The following VAPB variants were observed in gnomAD, a reference collection of about 807,000 sequenced individuals.
VAPB encodes vesicle-associated membrane protein-associated protein B/C.
A neutral mutation model predicts 25.6 loss-of-function variants in VAPB; 7 were observed. The observed-to-expected ratio is 0.27, with a 90% CI of 0.16 to 0.51. The LOEUF (loss-of-function observed/expected upper bound fraction) is 0.51, where lower values mean the gene tolerates loss of function less well. Among genes scored for constraint, VAPB ranks in the 20% least tolerant of loss-of-function variants. The pLI, the probability that VAPB is intolerant of heterozygous loss-of-function variation, is 0.97. For synonymous variants in VAPB, 112 were observed against 109.2 expected, an observed-to-expected ratio of 1.03 and a Z score of -0.16; for missense variants, 266 against 301.3, an observed-to-expected ratio of 0.88 and a Z score of 0.87.
chr20:58,448,286 A>G lies in VAPB; in HGVS notation c.*4051A>G, dbSNP rs2091997716. The G allele has an allele frequency of 2.2e-6, 1 of 453,776 alleles. No homozygotes were observed. Among genetic ancestry groups the G allele is most frequent in the Non-Finnish European group, 4.4e-6 (1 of 226,548 alleles). 28.1% of individuals were successfully genotyped at this position (453,776 alleles called of 1,614,324 possible). Reference sequence around the variant, plus strand: ...GCAGCTCTGAGATCATGCTGGCCCTACGCGAATTGAGTTTCTGTGGCCTAA... The same window carrying G: ...GCAGCTCTGAGATCATGCTGGCCCTGCGCGAATTGAGTTTCTGTGGCCTAA... On this transcript the variant is annotated 3_prime_UTR_variant, in exon 6 of 6. Coordinates refer to ENST00000475243, the MANE Select transcript of VAPB (RefSeq NM_004738.5).
chr20:58,449,020 T>A lies in VAPB; in HGVS notation c.*4785T>A, dbSNP rs1230719386. ...TTTGAAAACAGCTGAGCTGCTGATG[T>A]CTCAGGCCTTTCCCTGAATTAGCAC... On this transcript the variant is annotated 3_prime_UTR_variant, in exon 6 of 6. Coordinates refer to ENST00000475243, the MANE Select transcript of VAPB (RefSeq NM_004738.5). 2.2e-6 allele frequency: 1 copy of A among 454,112 alleles called. No homozygotes were observed. 28.1% of individuals were successfully genotyped at this position (454,112 alleles called of 1,614,324 possible).
chr20:58,411,661 C>T (rs1988382210), intron 1 of VAPB, among the ~76,000 whole-genome samples: 1 of 152,058 alleles, frequency 6.6e-6, no homozygotes, highest in Admixed American at 6.6e-5. Flanking sequence ...TTAGGTTGTT[C>T]ATTTTATTTT....
In VAPB at chr20:58,442,544, A is replaced by T. The variant is rs76121954; in HGVS notation, c.573+1461A>T. 8.9e-3 allele frequency among the ~76,000 whole-genome samples: 1,352 copies of T among 152,354 alleles called. 20 individuals are homozygous for T. Among genetic ancestry groups the T allele is most frequent in the African/African-American group, 0.031 (1,294 of 41,584 alleles). ...TGCCCCATGAGCAGAATATCCTTAAAATATGATCAGACCAATCTCAACATT... is the reference window on the plus strand; with the variant it reads ...TGCCCCATGAGCAGAATATCCTTAATATATGATCAGACCAATCTCAACATT... On this transcript the variant is annotated intron_variant, in intron 5 of 5. Coordinates refer to ENST00000475243, the MANE Select transcript of VAPB (RefSeq NM_004738.5).
At chr20:58,418,847 G>T (rs949505887) in intron 2 of VAPB, among the ~76,000 whole-genome samples, 1 of 152,148 alleles carries the variant, frequency 6.6e-6, no homozygotes, top group African/African-American at 2.4e-5. Context: ...ATTGTGAAAC[G>T]CCAAGAGAGA....
At chr20:58,409,957 A>G (rs1175592365) in intron 1 of VAPB, among the ~76,000 whole-genome samples, 1 of 151,852 alleles carries the variant, frequency 6.6e-6, no homozygotes. Flanking sequence ...TATTTTCAAA[A>G]TCTCAATAAT....
chr20:58,390,884 G>A (rs761481243), intron 1 of VAPB, among the ~76,000 whole-genome samples: 4 of 152,192 alleles, frequency 2.6e-5, no homozygotes, highest in Non-Finnish European at 5.9e-5. Flanking sequence ...AACGGTGGCT[G>A]TCACTTTGCC....
At position 58,444,736 on chromosome 20, in the gene VAPB, G is replaced by A. The variant is rs1306772190; in HGVS notation, c.*501G>A. On this transcript the variant is annotated 3_prime_UTR_variant, in exon 6 of 6. Coordinates refer to ENST00000475243, the MANE Select transcript of VAPB (RefSeq NM_004738.5). Reference sequence around the variant, plus strand: ...GTTCTGTCCAAGCCATCAGCTCCTTGGGACTGATGAACAGAGTCAGAAGCC... The same window carrying A: ...GTTCTGTCCAAGCCATCAGCTCCTTAGGACTGATGAACAGAGTCAGAAGCC... 2.2e-6 allele frequency: 1 copy of A among 454,408 alleles called. No homozygotes were observed. Among genetic ancestry groups the A allele is most frequent in the African/African-American group, 2.0e-5 (1 of 50,008 alleles). 28.1% of individuals were successfully genotyped at this position (454,408 alleles called of 1,614,324 possible). A position where few individuals can be genotyped will look rare whatever the true frequency, so the allele number is the denominator to read the frequency against.
rs897911806 is a variant in VAPB, at chr20:58,449,095, A to G, written c.*4860A>G. 1.1e-5 allele frequency: 5 copies of G among 453,980 alleles called. No homozygotes were observed. Among genetic ancestry groups the G allele is most frequent in the South Asian group, 3.1e-5 (2 of 64,482 alleles). 28.1% of individuals were successfully genotyped at this position (453,980 alleles called of 1,614,324 possible). A position where few individuals can be genotyped will look rare whatever the true frequency, so the allele number is the denominator to read the frequency against. On this transcript the variant is annotated 3_prime_UTR_variant, in exon 6 of 6. Transcript: ENST00000475243. ...AGAGGGCAAGTAATAGAAGCCCCTG[A>G]TAAGGAGCGTCAGCCGACAGGCAAG... is the stretch of plus-strand genomic sequence containing the variant.
chr20:58,414,887 AG>A (rs1357498653), intron 1 of VAPB, among the ~76,000 whole-genome samples: 3 of 152,140 alleles, frequency 2.0e-5, no homozygotes, highest in Non-Finnish European at 4.4e-5. Flanking sequence ...TGGGAGGTGG[AG>A]GTTGTAGCGA....
chr20:58,395,221 G>A (rs1422399167), intron 1 of VAPB, among the ~76,000 whole-genome samples: 1 of 147,304 alleles, frequency 6.8e-6, no homozygotes, highest in Non-Finnish European at 1.5e-5. Context: ...GCACTATCTC[G>A]GCTCACTGCA....
chr20:58,446,264 C>A lies in VAPB; in HGVS notation c.*2029C>A, dbSNP rs1989290696. ...AAAAGACCGAGCTGTAAGGCATGTG[C>A]CTTCTGCCACCTGACTTTCCGTGAG... is the stretch of plus-strand genomic sequence containing the variant. On this transcript the variant is annotated 3_prime_UTR_variant, in exon 6 of 6. Coordinates refer to ENST00000475243, the MANE Select transcript of VAPB (RefSeq NM_004738.5). 4.4e-6 allele frequency: 2 copies of A among 453,944 alleles called. No individual in the cohort carries two copies. Among genetic ancestry groups the A allele is most frequent in the Non-Finnish European group, 8.8e-6 (2 of 226,796 alleles). 28.1% of individuals were successfully genotyped at this position (453,944 alleles called of 1,614,324 possible).
At position 58,444,449 on chromosome 20, in the gene VAPB, A is replaced by AAG. The variant is rs199588133; in HGVS notation, c.*214_*215insAG. 39,247 of 706,008 alleles carry AAG rather than the reference A, an allele frequency of 0.056. 1,374 individuals are homozygous for AAG. Among genetic ancestry groups the AAG allele is most frequent in the Non-Finnish European group, 0.072 (28,496 of 396,930 alleles). 43.7% of individuals were successfully genotyped at this position (706,008 alleles called of 1,614,324 possible). ...GAAAGTTAAAAATGTATAGTAACTG[A>AAG]TTGAGGGGGAAAAGAATGATCTTTA... is the stretch of plus-strand genomic sequence containing the variant. On this transcript the variant is annotated 3_prime_UTR_variant, in exon 6 of 6. Coordinates refer to ENST00000475243, the MANE Select transcript of VAPB (RefSeq NM_004738.5).
intron 1 of VAPB, among the ~76,000 whole-genome samples, chr20:58,408,040 C>G (rs1396783949): frequency 6.6e-6 from 1 of 152,124 alleles, no homozygotes; most frequent in Non-Finnish European, 1.5e-5. Flanking sequence ...TTTTCCCACC[C>G]ATGGAGGTGG....
intron 2 of VAPB, among the ~76,000 whole-genome samples, chr20:58,425,493 G>C (rs1158841661): frequency 1.3e-5 from 2 of 152,228 alleles, no homozygotes; most frequent in Non-Finnish European, 2.9e-5. Context: ...CAGAATGTGA[G>C]CTATTAAAAC....
At chr20:58,437,153 T>C (rs1216177898) in intron 3 of VAPB, among the ~76,000 whole-genome samples, 1 of 151,694 alleles carries the variant, frequency 6.6e-6, no homozygotes, top group African/African-American at 2.4e-5. Context: ...TTTTATAGAG[T>C]TGGGGTCTCA....
At chr20:58,402,369 CTTGT>C (rs1199120954) in intron 1 of VAPB, among the ~76,000 whole-genome samples, 2 of 152,128 alleles carry the variant, frequency 1.3e-5, no homozygotes, top group Admixed American at 1.3e-4. Flanking sequence ...TCCTTTTCCT[CTTGT>C]TTGTTTCACT....
intron 1 of VAPB, among the ~76,000 whole-genome samples, chr20:58,407,817 TGTATA>T (rs911422411): frequency 5.3e-5 from 8 of 152,222 alleles, no homozygotes; most frequent in African/African-American, 1.9e-4. Context: ...TTTAAAGAGT[TGTATA>T]GTATTCCTTC....
chr20:58,401,486 T>C (rs1988094476), intron 1 of VAPB, among the ~76,000 whole-genome samples: 1 of 152,180 alleles, frequency 6.6e-6, no homozygotes, highest in Non-Finnish European at 1.5e-5. Context: ...ATGTTCAGTC[T>C]TCACTACCAT....
chr20:58,399,336 C>A (rs572716448), intron 1 of VAPB, among the ~76,000 whole-genome samples: 1 of 151,314 alleles, frequency 6.6e-6, no homozygotes, highest in African/African-American at 2.4e-5. Context: ...AGAAAAAGTG[C>A]CTTATTATAA....
Sources: allele counts gnomAD v4.1 joint callset (sites outside exome capture counted in the v4.1 genomes callset), GRCh38; gene constraint gnomAD v4.1.1; transcripts MANE v1.5; gene names NCBI Gene and HGNC (gene_info 2026-07-23, HGNC 2026-07-21).